The following TJP1 variants were observed in gnomAD, a reference collection of about 807,000 sequenced individuals.
The protein encoded by TJP1 is tight junction protein 1, also known as tight junction protein ZO-1.
TJP1 carries 43 observed loss-of-function variants against 194.2 expected under a neutral mutation model. The observed-to-expected ratio is 0.22, with a 90% CI of 0.17 to 0.29. The LOEUF is 0.29. Among genes scored for constraint, TJP1 ranks in the 10% least tolerant of loss-of-function variants. TJP1 has a pLI of 1.00. For missense variants in TJP1, 1,971 were observed against 2,185.7 expected, an observed-to-expected ratio of 0.90 and a Z score of 1.96; for synonymous variants, 801 against 779.0, an observed-to-expected ratio of 1.03 and a Z score of -0.47.
Position 29,708,699 on chromosome 15 carries a change from A to G in TJP1, c.4710T>C (p.Ser1570=). The G allele has an allele frequency of 1.2e-6, 2 of 1,614,230 alleles. No individual in the cohort carries two copies. The highest frequency in any genetic ancestry group is 1.7e-6 in the Non-Finnish European group (2 of 1,180,038). ...TGTGCGATTTCACAAGAGTTTTTGG[A>G]GAAGTGGGAGTTTTTGAAGACAAGT... The part of the protein sequence containing the change: ...KPDLSSKTPT[S]PKTLVKSHSL... Residue 1570 remains serine (S), a synonymous_variant, in exon 25 of 28, where the codon TCT becomes TCC. Coordinates refer to ENST00000614355, the MANE Select transcript of TJP1 (RefSeq NM_001330239.4).
chr15:29,730,692 C>T (rs896721218), intron 15 of TJP1: 19 of 753,660 alleles, frequency 2.5e-5, no homozygotes, highest in African/African-American at 8.6e-5. Flanking sequence ...CCAGCACCTA[C>T]GTCCTGTCGC....
Position 29,785,365 on chromosome 15 carries a change from A to G in TJP1, c.85-12008T>C, listed in dbSNP as rs919817386. ...ACTAGCCATGCCCATTCCTTTACAT[A>G]TAATTATGACTGCTTTTGCACTGAA... On this transcript the variant is annotated intron_variant, in intron 2 of 27. Transcript: ENST00000614355. Among the ~76,000 whole-genome samples the G allele has an allele frequency of 3.3e-5, 5 of 152,290 alleles. No individual in the cohort carries two copies. The South Asian group carries it at 1.0e-3, about 32-fold the overall frequency.
At chr15:29,912,923 T>C (rs769955759) in intron 2 of TJP1, among the ~76,000 whole-genome samples, 3 of 152,144 alleles carry the variant, frequency 2.0e-5, no homozygotes, top group Non-Finnish European at 4.4e-5. Flanking sequence ...ACTTAGTAGA[T>C]GCGCCAGCTC....
chr15:29,856,318 T>C (rs2051849613), intron 2 of TJP1, among the ~76,000 whole-genome samples: 1 of 152,152 alleles, frequency 6.6e-6, no homozygotes, highest in Admixed American at 6.5e-5. Flanking sequence ...AGATGAACCT[T>C]GAAAACATTC....
At chr15:29,929,642 A>G (rs1249153313) in intron 2 of TJP1, among the ~76,000 whole-genome samples, 1 of 152,132 alleles carries the variant, frequency 6.6e-6, no homozygotes, top group African/African-American at 2.4e-5. Context: ...GGTTGCAGTG[A>G]GCTAAGATGG....
At chr15:29,747,284 CAATA>C (rs1001186737) in intron 8 of TJP1, among the ~76,000 whole-genome samples, 50 of 151,834 alleles carry the variant, frequency 3.3e-4, no homozygotes, top group African/African-American at 1.1e-3. Flanking sequence ...GACTTTGTCT[CAATA>C]AATAAATAAA....
At chr15:29,727,641 G>C (rs989862630) in intron 16 of TJP1, among the ~76,000 whole-genome samples, 3 of 152,180 alleles carry the variant, frequency 2.0e-5, no homozygotes, top group African/African-American at 7.2e-5. Context: ...CATTCCTTAT[G>C]AATGTAAATA....
chr15:29,733,420 C>T (rs1246837177), intron 12 of TJP1, 107 bp from the exon 13 acceptor site: 8 of 782,566 alleles, frequency 1.0e-5, no homozygotes, highest in Non-Finnish European at 1.6e-5. Context: ...TAATATCCAA[C>T]AAATTCTTAC....
intron 2 of TJP1, among the ~76,000 whole-genome samples, chr15:29,924,728 C>G (rs1370220530): frequency 2.0e-5 from 3 of 152,116 alleles, no homozygotes; most frequent in Non-Finnish European, 4.4e-5. Flanking sequence ...GGGCTAATGA[C>G]AGGCTCTTTC....
intron 2 of TJP1, among the ~76,000 whole-genome samples, chr15:29,781,454 C>T (rs547416913): frequency 6.9e-4 from 105 of 152,250 alleles, no homozygotes; most frequent in African/African-American, 2.4e-3. Context: ...GGAACAATAC[C>T]CCAACTCATT....
chr15:29,881,876 A>G (rs570473692), intron 2 of TJP1, among the ~76,000 whole-genome samples: 1 of 152,202 alleles, frequency 6.6e-6, no homozygotes, highest in African/African-American at 2.4e-5. Context: ...TACAGAAAGT[A>G]AAGTGTTCAA....
chr15:29,702,146 T>C (rs1435763127), intron 27 of TJP1, among the ~76,000 whole-genome samples: 8 of 152,116 alleles, frequency 5.3e-5, no homozygotes, highest in Non-Finnish European at 8.8e-5. Context: ...TGATCACCTA[T>C]TTGAGCTGAG....
At chr15:29,868,949 T>A (rs886564612) in intron 2 of TJP1, among the ~76,000 whole-genome samples, 1 of 152,052 alleles carries the variant, frequency 6.6e-6, no homozygotes, top group Non-Finnish European at 1.5e-5. Flanking sequence ...GCTCAATGGA[T>A]CACAACAACA....
At chr15:29,866,363 G>C (rs2052301835) in intron 2 of TJP1, among the ~76,000 whole-genome samples, 1 of 152,146 alleles carries the variant, frequency 6.6e-6, no homozygotes, top group Non-Finnish European at 1.5e-5. Context: ...AAACATAAAG[G>C]ATGGTTGCAA....
At chr15:29,788,487 T>C (rs1310237491) in intron 2 of TJP1, among the ~76,000 whole-genome samples, 1 of 152,204 alleles carries the variant, frequency 6.6e-6, no homozygotes, top group African/African-American at 2.4e-5. Flanking sequence ...TTTTTGTAAA[T>C]CTTGTGAGGT....
In TJP1 at chr15:29,946,920, C is replaced by T. The variant is rs555946378; in HGVS notation, c.306+9312G>A. The stretch of plus-strand genomic sequence containing the variant: ...AAGACTTCCTGAATGAGGGATAATT[C>T]GGGGAGCAATTTGTCCTAGATAGAC... On this transcript the variant is annotated intron_variant, in intron 2 of 28. Coordinates refer to the TJP1 transcript ENST00000356107. Among the ~76,000 whole-genome samples the T allele has an allele frequency of 5.3e-4, 81 of 152,210 alleles. 1 individual carries two copies. Among genetic ancestry groups the T allele is most frequent in the African/African-American group, 1.3e-3 (52 of 41,530 alleles).
intron 12 of TJP1, 26 bp from the exon 13 acceptor site, chr15:29,733,339 T>C (rs377406444): frequency 8.8e-6 from 13 of 1,469,142 alleles, no homozygotes; most frequent in Non-Finnish European, 1.2e-5. Context: ...ACAAACACAT[T>C]ATCAATATTT....
chr15:29,790,387 A>T (rs1035139715), intron 2 of TJP1, among the ~76,000 whole-genome samples: 1 of 152,208 alleles, frequency 6.6e-6, no homozygotes, highest in African/African-American at 2.4e-5. Flanking sequence ...CAAAGATTTT[A>T]AAAATGTTTT....
chr15:29,956,259 A>G, exon 2 of TJP1: 1 of 1,288,584 alleles, frequency 7.8e-7, no homozygotes, highest in South Asian at 1.2e-5. Context: ...CCATGCTATC[A>G]AGGCTTTTGC....
Sources: gnomAD v4.1 joint callset for allele counts (sites outside exome capture counted in the v4.1 genomes callset) on GRCh38, gnomAD v4.1.1 for gene constraint, MANE v1.5 for transcripts, NCBI Gene and HGNC (gene_info 2026-07-23, HGNC 2026-07-21) for gene names.